Variants in ROCK2 observed in about 807,000 individuals in gnomAD.
The protein encoded by ROCK2 is Rho associated coiled-coil containing protein kinase 2.
ROCK2 carries 61 observed loss-of-function variants against 195.1 expected under a neutral mutation model. The observed-to-expected ratio is 0.31, with a 90% CI of 0.25 to 0.39. The LOEUF (loss-of-function observed/expected upper bound fraction) is 0.39, where lower values mean the gene tolerates loss of function less well. Among genes scored for constraint, ROCK2 ranks in the 10% least tolerant of loss-of-function variants. The pLI is 1.00. For missense variants in ROCK2, 1,109 were observed against 1,637.4 expected (o/e 0.68, Z 5.57); for synonymous variants, 504 against 545.5 (o/e 0.92, Z 1.06).
intron 20 of ROCK2, among the ~76,000 whole-genome samples, chr2:11,205,097 T>C (rs13384804): frequency 6.6e-6 from 1 of 152,056 alleles, no homozygotes; most frequent in African/African-American, 2.4e-5. Context: ...AATGCCAGAG[T>C]GAGAAAGGCT....
At chr2:11,324,815 G>A (rs955242598) in intron 1 of ROCK2, among the ~76,000 whole-genome samples, 1 of 152,156 alleles carries the variant, frequency 6.6e-6, no homozygotes. Flanking sequence ...AACCGTAATA[G>A]TACATCATAA....
chr2:11,185,724 C>T (rs774691417), intron 32 of ROCK2, among the ~76,000 whole-genome samples: 14 of 151,410 alleles, frequency 9.2e-5, no homozygotes, highest in Non-Finnish European at 1.8e-4. Context: ...AGTGAGACTT[C>T]GTCTCAAAAA....
intron 5 of ROCK2, among the ~76,000 whole-genome samples, chr2:11,230,658 T>C (rs1293255890): frequency 2.6e-5 from 4 of 152,300 alleles, no homozygotes; most frequent in Admixed American, 2.6e-4. Flanking sequence ...GATAATCAAG[T>C]ATGCATTTTC....
At chr2:11,185,755 A>G (rs1292673809) in intron 32 of ROCK2, among the ~76,000 whole-genome samples, 1 of 135,280 alleles carries the variant, frequency 7.4e-6, no homozygotes, top group Admixed American at 8.2e-5. Context: ...AAATAAAAAT[A>G]AAAATAAATA....
At chr2:11,193,024 A>G (rs1558278252) in intron 30 of ROCK2, among the ~76,000 whole-genome samples, 1 of 152,234 alleles carries the variant, frequency 6.6e-6, no homozygotes, top group Non-Finnish European at 1.5e-5. Context: ...GTAACTTCAT[A>G]GGTGTTAGGA....
At position 11,235,100 on chromosome 2, in the gene ROCK2, C is replaced by A. The variant is rs1665155525; in HGVS notation, c.723+602G>T. ...TCAAGAATTACTTACTGCACACTTA[C>A]AGAGAAAAGGGCAAGATATATAAAT... On this transcript the variant is annotated intron_variant, in intron 5 of 32. Coordinates refer to ENST00000315872, the MANE Select transcript of ROCK2 (RefSeq NM_004850.5). The surrounding 1 kb of genome is among the most constrained non-coding windows in gnomAD (Gnocchi z 4.2). 1.3e-5 allele frequency among the ~76,000 whole-genome samples: 2 copies of A among 152,216 alleles called. No homozygotes were observed. Among genetic ancestry groups the A allele is most frequent in the South Asian group, 4.1e-4 (2 of 4,820 alleles).
intron 17 of ROCK2, among the ~76,000 whole-genome samples, 162 bp from the exon 18 acceptor site, chr2:11,212,002 G>A (rs1221119441): frequency 6.6e-6 from 1 of 151,560 alleles, no homozygotes; most frequent in African/African-American, 2.4e-5. Context: ...ACCTCCCCAG[G>A]CTCAAGCAAT....
chr2:11,230,815 A>C (rs1292604631), intron 5 of ROCK2, among the ~76,000 whole-genome samples: 14 of 152,154 alleles, frequency 9.2e-5, no homozygotes. Flanking sequence ...GAAATCTTGG[A>C]GTTGGTCTAA....
At chr2:11,308,387 C>T (rs1055835905) in intron 1 of ROCK2, 2 of 1,532,140 alleles carry the variant, frequency 1.3e-6, no homozygotes, top group Non-Finnish European at 1.8e-6. Context: ...AATTTTGGCA[C>T]CTGGTGAAGA....
At position 11,219,276 on chromosome 2, in the gene ROCK2, G is replaced by C. The variant is rs376732057; in HGVS notation, c.1260-250C>G. Among the ~76,000 whole-genome samples the C allele has an allele frequency of 4.7e-5, 6 of 128,942 alleles. 1 individual carries two copies. The South Asian group carries it at 1.6e-3, about 34-fold the overall frequency. 84.6% of individuals were successfully genotyped at this position (128,942 alleles called of 152,430 possible). Reference sequence around the variant, plus strand: ...CACTTTGGGAGGTCAAGGCGGGAAAGATCACCTGAGGTCAGGAGTTCGAGA... The same window carrying C: ...CACTTTGGGAGGTCAAGGCGGGAAACATCACCTGAGGTCAGGAGTTCGAGA... On this transcript the variant is annotated intron_variant, in intron 9 of 32. Transcript: ENST00000315872.
chr2:11,208,710 G>T (rs1558292320), intron 18 of ROCK2, among the ~76,000 whole-genome samples: 1 of 151,430 alleles, frequency 6.6e-6, no homozygotes, highest in South Asian at 2.1e-4. Flanking sequence ...TCGTGCCTCG[G>T]CCTCCAGACA....
At chr2:11,236,096 A>T (rs1665194070) in intron 4 of ROCK2, 134 bp from the exon 5 acceptor site, 1 of 827,396 alleles carries the variant, frequency 1.2e-6, no homozygotes, top group African/African-American at 1.7e-5. Flanking sequence ...AATTTATGAG[A>T]TCTTTTATTT....
chr2:11,317,193 A>G (rs1668221123), intron 1 of ROCK2, among the ~76,000 whole-genome samples: 1 of 152,144 alleles, frequency 6.6e-6, no homozygotes, highest in Non-Finnish European at 1.5e-5. Flanking sequence ...TCAACATGAT[A>G]AGAAACAAAA....
chr2:11,204,231 T>C (rs1309072840), intron 20 of ROCK2, among the ~76,000 whole-genome samples: 1 of 152,148 alleles, frequency 6.6e-6, no homozygotes, highest in Non-Finnish European at 1.5e-5. Context: ...GACTTGAATT[T>C]AGCTCTCTTG....
intron 4 of ROCK2, among the ~76,000 whole-genome samples, chr2:11,246,900 T>A (rs1018244108): frequency 6.6e-6 from 1 of 152,126 alleles, no homozygotes; most frequent in Non-Finnish European, 1.5e-5. Context: ...AAAATCCTTA[T>A]GAAAGAACAC....
intron 1 of ROCK2, among the ~76,000 whole-genome samples, chr2:11,342,221 G>A (rs1669128780): frequency 6.6e-6 from 1 of 152,168 alleles, no homozygotes; most frequent in South Asian, 2.1e-4. Flanking sequence ...AACAGAGTCT[G>A]TCAAGTCATC....
At chr2:11,265,828 C>T (rs1162374366) in intron 3 of ROCK2, among the ~76,000 whole-genome samples, 1 of 152,012 alleles carries the variant, frequency 6.6e-6, no homozygotes. Flanking sequence ...TGCAGGATTA[C>T]TCACACCTGT....
chr2:11,192,261 T>C lies in ROCK2; in HGVS notation c.4050A>G (p.Lys1350=). The change falls in exon 32 of 33, where the codon AAA becomes AAG. Residue 1350 remains lysine (K), a synonymous_variant. Coordinates refer to ENST00000315872, the MANE Select transcript of ROCK2 (RefSeq NM_004850.5). The surrounding 1 kb of genome is among the most constrained non-coding windows in gnomAD (Gnocchi z 5.0). ...WVSRLVKKIP[K]KPPAPDPFAR... ...CAAAAGGGTCTGGAGCTGGGGGCTT[T>C]TTAGGTATCTTTTTCACCAACCGAC... The C allele has an allele frequency of 6.2e-7, 1 of 1,614,026 alleles. No individual in the cohort carries two copies. The highest frequency in any genetic ancestry group is 1.7e-5 in the Admixed American group (1 of 59,992).
chr2:11,312,883 A>G (rs987214923), intron 1 of ROCK2, among the ~76,000 whole-genome samples: 2 of 152,152 alleles, frequency 1.3e-5, no homozygotes, highest in Non-Finnish European at 2.9e-5. Flanking sequence ...AAGCCTACGC[A>G]CTGGACAATT....
Sources: gnomAD v4.1 joint callset for allele counts (sites outside exome capture counted in the v4.1 genomes callset) on GRCh38, gnomAD v4.1.1 for gene constraint, Gnocchi (gnomAD v3.1) non-coding constraint, MANE v1.5 for transcripts, NCBI Gene and HGNC (gene_info 2026-07-23, HGNC 2026-07-21) for gene names.